Variants in NBEA observed in about 807,000 individuals in gnomAD.
NBEA encodes the protein lysosomal-trafficking regulator 2.
A neutral mutation model predicts 343.4 loss-of-function variants in NBEA; 44 were observed. The observed-to-expected ratio is 0.13, with a 90% CI of 0.10 to 0.16. The LOEUF is 0.16. Among genes scored for constraint, NBEA ranks in the 10% least tolerant of loss-of-function variants. The probability of loss-of-function intolerance (pLI) is 1.00; values close to 1 mark genes in which losing one functional copy is unlikely to be tolerated. For synonymous variants in NBEA, 1,175 were observed against 1,238.7 expected (o/e 0.95, Z 1.08); for missense variants, 2,555 against 3,631.3 (o/e 0.70, Z 7.62).
intron 1 of NBEA, among the ~76,000 whole-genome samples, chr13:34,955,105 C>A (rs2059452839): frequency 6.6e-6 from 1 of 152,128 alleles, no homozygotes; most frequent in South Asian, 2.1e-4. Flanking sequence ...TAGGAATTAA[C>A]ACCCAGATTC....
chr13:35,096,600 G>C (rs542493259), intron 10 of NBEA, among the ~76,000 whole-genome samples: 4 of 151,820 alleles, frequency 2.6e-5, no homozygotes, highest in Admixed American at 1.3e-4. Flanking sequence ...ATTTCTAGTC[G>C]TTCTTTTTGG....
At chr13:35,525,943 G>A (rs1308106601) in intron 41 of NBEA, among the ~76,000 whole-genome samples, 3 of 152,126 alleles carry the variant, frequency 2.0e-5, no homozygotes, top group African/African-American at 7.2e-5. Context: ...TTAGGTTTTA[G>A]CATATGAATT....
At chr13:35,019,324 G>A (rs765340377) in intron 1 of NBEA, among the ~76,000 whole-genome samples, 104 of 150,126 alleles carry the variant, frequency 6.9e-4, no homozygotes, top group Non-Finnish European at 1.9e-4. Context: ...TTGAGACAGA[G>A]TCTCACTGTG....
intron 11 of NBEA, among the ~76,000 whole-genome samples, chr13:35,107,903 T>C (rs2065995950): frequency 6.6e-6 from 1 of 152,048 alleles, no homozygotes; most frequent in Admixed American, 6.6e-5. Flanking sequence ...GCAAAGAGGT[T>C]AGTTTTGGTC....
chr13:35,313,109 CT>C (rs1273334254), intron 36 of NBEA, among the ~76,000 whole-genome samples: 1 of 152,150 alleles, frequency 6.6e-6, no homozygotes, highest in African/African-American at 2.4e-5. Context: ...CCTGTTTCTG[CT>C]GGGAATCCTC....
At chr13:35,602,314 A>G (rs1265643238) in intron 47 of NBEA, among the ~76,000 whole-genome samples, 1 of 152,224 alleles carries the variant, frequency 6.6e-6, no homozygotes, top group Admixed American at 6.5e-5. Flanking sequence ...GCTATTTGAA[A>G]CAAGATTGTA....
chr13:35,414,819 A>G (rs1173380201), intron 38 of NBEA, among the ~76,000 whole-genome samples: 1 of 152,194 alleles, frequency 6.6e-6, no homozygotes, highest in Non-Finnish European at 1.5e-5. Flanking sequence ...GTCTTCCACA[A>G]TGGTTGAACT....
intron 18 of NBEA, among the ~76,000 whole-genome samples, chr13:35,146,882 C>G (rs1033708880): frequency 1.3e-5 from 2 of 152,080 alleles, no homozygotes; most frequent in Admixed American, 1.3e-4. Flanking sequence ...ATTTGGGATC[C>G]CAAAGCCAAT....
intron 41 of NBEA, among the ~76,000 whole-genome samples, chr13:35,513,885 A>C (rs1380536097): frequency 6.6e-6 from 1 of 152,170 alleles, no homozygotes; most frequent in Non-Finnish European, 1.5e-5. Flanking sequence ...TTTCAAATAT[A>C]ATTTGAGATT....
Position 35,273,900 on chromosome 13 carries a change from G to T in NBEA, c.5777-16489G>T, listed in dbSNP as rs556752056. On this transcript the variant is annotated intron_variant, in intron 34 of 58. Transcript: ENST00000379939. ...GCCTACCAACCAAAAAAAAGTCCAG[G>T]ACCAGACAGATTCACAGCCGAATTC... Among the ~76,000 whole-genome samples, 333 of 152,130 alleles carry T rather than the reference G, an allele frequency of 2.2e-3. 1 individual carries two copies. The highest frequency in any genetic ancestry group is 7.9e-3 in the African/African-American group (327 of 41,494).
At chr13:35,061,065 C>T (rs1019936402) in intron 8 of NBEA, among the ~76,000 whole-genome samples, 4 of 151,432 alleles carry the variant, frequency 2.6e-5, no homozygotes, top group African/African-American at 4.8e-5. Context: ...TGTCAACATA[C>T]GGGCTTCGAA....
intron 39 of NBEA, among the ~76,000 whole-genome samples, chr13:35,448,806 T>C (rs1349422219): frequency 6.6e-6 from 1 of 152,122 alleles, no homozygotes; most frequent in Non-Finnish European, 1.5e-5. Context: ...CACATGTTTG[T>C]GGCAGAACTG....
chr13:35,418,937 A>T (rs768299663), intron 38 of NBEA, among the ~76,000 whole-genome samples: 28 of 152,024 alleles, frequency 1.8e-4, no homozygotes, highest in Non-Finnish European at 3.7e-4. Flanking sequence ...GAATATTTGC[A>T]TGTACATAAT....
At chr13:35,656,690 A>G (rs184185331) in intron 55 of NBEA, among the ~76,000 whole-genome samples, 156 of 152,328 alleles carry the variant, frequency 1.0e-3, no homozygotes, top group African/African-American at 3.6e-3. Flanking sequence ...TAAGCTTTCA[A>G]TAGTTCACTC....
At chr13:35,410,368 C>G (rs1413261837) in intron 38 of NBEA, among the ~76,000 whole-genome samples, 1 of 151,994 alleles carries the variant, frequency 6.6e-6, no homozygotes, top group African/African-American at 2.4e-5. Flanking sequence ...AGAACTTCAC[C>G]AATTAATTTG....
chr13:35,360,034 G>A (rs2040719935), intron 38 of NBEA, among the ~76,000 whole-genome samples: 1 of 151,838 alleles, frequency 6.6e-6, no homozygotes, highest in Non-Finnish European at 1.5e-5. Context: ...TATTTTACGG[G>A]TAAAAAATGT....
At chr13:35,534,740 T>C (rs2078444488) in intron 41 of NBEA, among the ~76,000 whole-genome samples, 1 of 152,174 alleles carries the variant, frequency 6.6e-6, no homozygotes, top group South Asian at 2.1e-4. Context: ...CTGGGCTCCA[T>C]GAAAGGAGGG....
rs866562634 is a variant in NBEA, at chr13:35,445,820, A to G, written c.6305-6272A>G. Among the ~76,000 whole-genome samples, 33 of 134,776 alleles carry G rather than the reference A, an allele frequency of 2.4e-4. 1 individual carries two copies. The highest frequency in any genetic ancestry group is 1.6e-3 in the East Asian group (7 of 4,340). 88.4% of individuals were successfully genotyped at this position (134,776 alleles called of 152,430 possible). A position where few individuals can be genotyped will look rare whatever the true frequency, so the allele number is the denominator to read the frequency against. On this transcript the variant is annotated intron_variant, in intron 39 of 58. Transcript: ENST00000379939. ...TATATATATATATATATATATATGTATATATATATATTATATTTGAAGTTC... is the reference window on the plus strand; with the variant it reads ...TATATATATATATATATATATATGTGTATATATATATTATATTTGAAGTTC...
At chr13:35,516,703 T>G (rs1452301933) in intron 41 of NBEA, among the ~76,000 whole-genome samples, 1 of 152,202 alleles carries the variant, frequency 6.6e-6, no homozygotes, top group Non-Finnish European at 1.5e-5. Flanking sequence ...TAAATGTTTC[T>G]TCACTAAAGG....
Sources: gnomAD v4.1 joint callset for allele counts (sites outside exome capture counted in the v4.1 genomes callset) on GRCh38, gnomAD v4.1.1 for gene constraint, MANE v1.5 for transcripts, NCBI Gene and HGNC (gene_info 2026-07-23, HGNC 2026-07-21) for gene names.